ARHGEF40: variants seen among roughly 807,000 people sequenced by gnomAD.
ARHGEF40 encodes Rho guanine nucleotide exchange factor 40, also known as Rho guanine nucleotide exchange factor (GEF) 40.
A neutral mutation model predicts 165.9 loss-of-function variants in ARHGEF40; 98 were observed. The ratio of observed to expected loss-of-function variants is 0.59; its 90% CI spans 0.50 to 0.70. ARHGEF40 has a LOEUF of 0.70. ARHGEF40 is among the 30% of genes least tolerant of loss of function. The probability of loss-of-function intolerance (pLI) is 0.00; values close to 1 mark genes in which losing one functional copy is unlikely to be tolerated. For missense variants in ARHGEF40, 1,815 were observed against 1,968.0 expected (o/e 0.92, Z 1.47); for synonymous variants, 792 against 814.3 (o/e 0.97, Z 0.47).
In ARHGEF40 at chr14:21,072,430, G is replaced by A. The variant is rs1347404349; in HGVS notation, c.4-615G>A. On this transcript the variant is annotated intron_variant, in intron 1 of 23. Transcript: ENST00000298694. The surrounding 1 kb of genome is among the most constrained non-coding windows in gnomAD (Gnocchi z 4.1). ...TGATTGCTTCAGAGCCACTGTGGGA[G>A]AAGGAAGAGGGATGCTAGAAAGACC... 6.6e-6 allele frequency among the ~76,000 whole-genome samples: 1 copy of A among 152,202 alleles called. No homozygotes were observed. Among genetic ancestry groups the A allele is most frequent in the Non-Finnish European group, 1.5e-5 (1 of 68,038 alleles).
chr14:21,087,424 G>C lies in ARHGEF40; in HGVS notation c.4348G>C (p.Glu1450Gln). ...CTGCTCCCTGCCTGCCCGCGTCGAG[G>C]AGGAGGCCTGGGATCTGGACGTCAA... ...GACSLPARVE[E>Q]EAWDLDVKQI... Residue 1450 changes from glutamate to glutamine, a missense_variant, in exon 21 of 24, where the codon GAG becomes CAG. Transcript: ENST00000298694. The C allele has an allele frequency of 6.2e-7, 1 of 1,601,320 alleles. No homozygotes were observed. Among genetic ancestry groups the C allele is most frequent in the Non-Finnish European group, 8.5e-7 (1 of 1,179,940 alleles).
At chr14:21,065,039 C>T in the ARHGEF40 span, among the ~76,000 whole-genome samples, 27 of 152,028 alleles carry the variant, frequency 1.8e-4, no homozygotes, top group African/African-American at 6.0e-4. Context: ...GGCCTGGTGG[C>T]GGGTGCCTGT....
intron 8 of ARHGEF40, 34 bp from the exon 9 acceptor site, chr14:21,078,143 G>C: frequency 6.3e-7 from 1 of 1,582,404 alleles, no homozygotes; most frequent in Non-Finnish European, 8.6e-7. Context: ...CTTAAACTCT[G>C]ATCCTCAACT....
At chr14:21,087,649 T>G in intron 21 of ARHGEF40, 186 bp downstream of exon 21, 1 of 845,722 alleles carries the variant, frequency 1.2e-6, no homozygotes, top group Non-Finnish European at 1.8e-6. Context: ...AACAGCCTGT[T>G]GCTAAGAAGC....
intron 22 of ARHGEF40, among the ~76,000 whole-genome samples, chr14:21,088,616 G>A (rs1041979566): frequency 2.2e-4 from 33 of 152,124 alleles, no homozygotes; most frequent in Admixed American, 8.5e-4. Context: ...AGCCCAGGAG[G>A]TTGAGACTTC....
Position 21,073,053 on chromosome 14 carries a change from G to A in ARHGEF40, c.12G>A (p.Glu4=). Residue 4 remains glutamate (E), a synonymous_variant, in exon 2 of 24, where the codon GAG becomes GAA. Transcript: ENST00000298694. The surrounding 1 kb of genome is among the most constrained non-coding windows in gnomAD (Gnocchi z 4.6). MEP[E]PVEDCVQSTL... ...TGGTCCTATCTCTACAGGAGCCTGA[G>A]CCAGTGGAGGACTGTGTGCAGAGCA... 5 of 1,613,876 alleles carry A rather than the reference G, an allele frequency of 3.1e-6. No individual in the cohort carries two copies. The highest frequency in any genetic ancestry group is 4.2e-6 in the Non-Finnish European group (5 of 1,179,798).
intron 21 of ARHGEF40, 133 bp downstream of exon 21, chr14:21,087,596 C>A: frequency 7.7e-7 from 1 of 1,292,626 alleles, no homozygotes; most frequent in Non-Finnish European, 1.0e-6. Flanking sequence ...AGCTTCCCCA[C>A]CGCTAAAAGA....
Position 21,072,994 on chromosome 14 carries a change from G to C in ARHGEF40, c.4-51G>C. On this transcript the variant is annotated intron_variant, in intron 1 of 23. Coordinates refer to ENST00000298694, the MANE Select transcript of ARHGEF40 (RefSeq NM_018071.5). This position sits in a 1 kb window ranked among gnomAD's most constrained non-coding sequence, Gnocchi z 4.1. ...CCCAGACCAGTGCAGCTCCCAAGGAGCCATGATTGGGTGATCTCTAGGGAT... is the reference window on the plus strand; with the variant it reads ...CCCAGACCAGTGCAGCTCCCAAGGACCCATGATTGGGTGATCTCTAGGGAT... The C allele has an allele frequency of 3.2e-6, 5 of 1,568,270 alleles. No homozygotes were observed. Among genetic ancestry groups the C allele is most frequent in the Non-Finnish European group, 4.4e-6 (5 of 1,144,858 alleles).
Position 21,076,901 on chromosome 14 carries a change from C to T in ARHGEF40, c.2034+11C>T, listed in dbSNP as rs774491140. The T allele has an allele frequency of 6.3e-7, 1 of 1,599,146 alleles. No individual in the cohort carries two copies. Among genetic ancestry groups the T allele is most frequent in the African/African-American group, 1.3e-5 (1 of 74,616 alleles). On this transcript the variant is annotated intron_variant, in intron 8 of 23. Transcript: ENST00000298694. ...GTAGAGATACACCAGGTAAGCTTCC[C>T]CTCTACCACCTAGCATGCTGGGAGC...
At position 21,074,942 on chromosome 14, in the gene ARHGEF40, C is replaced by A; in HGVS notation, c.1212C>A (p.Asp404Glu). Residue 404 changes from aspartate to glutamate, a missense_variant, in exon 3 of 24, where the codon GAC becomes GAA. By Grantham distance (45) the Asp-to-Glu change is conservative. Transcript: ENST00000298694. This position sits in a 1 kb window ranked among gnomAD's most constrained non-coding sequence, Gnocchi z 4.8. ...GGDSAPLSPG[D>E]KEDASHQEAL... is the part of the protein sequence containing the mutation. The stretch of plus-strand genomic sequence containing the variant: ...ACAGTGCCCCACTGAGCCCTGGGGA[C>A]AAGGAAGATGCCAGCCACCAAGAAG... The A allele has an allele frequency of 6.2e-7, 1 of 1,607,450 alleles. No individual in the cohort carries two copies.
chr14:21,070,240 G>A, upstream of ARHGEF40: 3 of 727,398 alleles, frequency 4.1e-6, no homozygotes, highest in Non-Finnish European at 5.5e-6. The surrounding 1 kb of genome is among the most constrained non-coding windows in gnomAD (Gnocchi z 4.7). Flanking sequence ...TCCCTGGCGG[G>A]GCCCCGCGGC....
Position 21,082,259 on chromosome 14 carries a change from G to A in ARHGEF40, c.3267G>A (p.Leu1089=), listed in dbSNP as rs769458860. 6 of 1,608,464 alleles carry A rather than the reference G, an allele frequency of 3.7e-6. No individual in the cohort carries two copies. In the South Asian group the frequency reaches 6.6e-5, roughly 18 times the overall value. Residue 1089 remains leucine (L), a synonymous_variant, in exon 15 of 24, where the codon CTG becomes CTA. Transcript: ENST00000298694. ...GTGCCTGCAGTGCCCAGCAGCGGCT[G>A]GTGTCTGAGCTGATTGCCTGTGAAC... ...RKRSISAQQR[L]VSELIACEQD...
Position 21,075,798 on chromosome 14 carries a change from C to G in ARHGEF40, c.1739+33C>G. On this transcript the variant is annotated intron_variant, in intron 5 of 23. Transcript: ENST00000298694. This position sits in a 1 kb window ranked among gnomAD's most constrained non-coding sequence, Gnocchi z 4.5. Reference sequence around the variant, plus strand: ...AGGCCCAGTCCTGGCACCCTGGACACTAACCTCCTGATTCATGAGGACCCT... The same window carrying G: ...AGGCCCAGTCCTGGCACCCTGGACAGTAACCTCCTGATTCATGAGGACCCT... The G allele has an allele frequency of 6.2e-7, 1 of 1,600,986 alleles. No homozygotes were observed. Among genetic ancestry groups the G allele is most frequent in the South Asian group, 1.1e-5 (1 of 89,678 alleles).
chr14:21,066,243 G>A (rs1886255457), upstream of ARHGEF40, among the ~76,000 whole-genome samples: 2 of 151,974 alleles, frequency 1.3e-5, no homozygotes, highest in South Asian at 4.1e-4. Flanking sequence ...AGGCAGAAAA[G>A]GAATCATGAT....
chr14:21,080,322 C>T (rs1418308636), intron 11 of ARHGEF40, among the ~76,000 whole-genome samples: 1 of 151,902 alleles, frequency 6.6e-6, no homozygotes, highest in Non-Finnish European at 1.5e-5. Flanking sequence ...TGGTGAAGGC[C>T]GTCAGTCATC....
chr14:21,085,811 CAA>C lies in ARHGEF40; in HGVS notation c.4084_4085del (p.Lys1362ValfsTer32). 6.2e-7 allele frequency: 1 copy of C among 1,614,180 alleles called. No homozygotes were observed. The highest frequency in any genetic ancestry group is 8.5e-7 in the Non-Finnish European group (1 of 1,180,044). On this transcript the variant is annotated frameshift_variant, in exon 19 of 24. Coordinates refer to ENST00000298694, the MANE Select transcript of ARHGEF40 (RefSeq NM_018071.5). LOFTEE classifies it high-confidence loss of function. The part of the protein sequence containing the change: ...LQATSPEIKL[K>X]WTSSIAQLLW... ...AGGCAACCTCACCAGAGATCAAACTCAAGTGGACAAGTTCTATTGCCCAGCTG... is the reference window on the plus strand; with the variant it reads ...AGGCAACCTCACCAGAGATCAAACTCGTGGACAAGTTCTATTGCCCAGCTG...
At chr14:21,069,080 C>T (rs1332984942), upstream of ARHGEF40, among the ~76,000 whole-genome samples, 1 of 152,266 alleles carries the variant, frequency 6.6e-6, no homozygotes, top group East Asian at 1.9e-4. Flanking sequence ...GCTTTCCGAT[C>T]TCCTCTCCTC....
intron 21 of ARHGEF40, 92 bp from the exon 22 acceptor site, chr14:21,087,876 T>C: frequency 6.4e-7 from 1 of 1,562,998 alleles, no homozygotes; most frequent in Non-Finnish European, 8.7e-7. Flanking sequence ...CCTGTTGCTA[T>C]GGAGCTTTTT....
chr14:21,087,935 T>C, intron 21 of ARHGEF40, 33 bp from the exon 22 acceptor site: 1 of 1,613,116 alleles, frequency 6.2e-7, no homozygotes, highest in Non-Finnish European at 8.5e-7. Context: ...GGAGGGATTC[T>C]GTACTCTGCT....
Sources: allele counts gnomAD v4.1 joint callset (sites outside exome capture counted in the v4.1 genomes callset), GRCh38; gene constraint gnomAD v4.1.1; non-coding constraint Gnocchi (gnomAD v3.1); transcripts MANE v1.5; gene names NCBI Gene and HGNC (gene_info 2026-07-23, HGNC 2026-07-21).